SLC9C1: variants seen among roughly 807,000 people sequenced by gnomAD.
SLC9C1 encodes sodium/hydrogen exchanger 10.
In SLC9C1, 97 loss-of-function variants were observed where a neutral mutation model predicts 140.9. The observed-to-expected ratio is 0.69, with a 90% CI of 0.58 to 0.82. The LOEUF (loss-of-function observed/expected upper bound fraction) is 0.82, where lower values mean the gene tolerates loss of function less well. SLC9C1 is among the 40% of genes least tolerant of loss of function. SLC9C1 has a pLI of 0.00. For synonymous variants in SLC9C1, 440 were observed against 442.6 expected (o/e 0.99, Z 0.07); for missense variants, 1,340 against 1,389.3 (o/e 0.96, Z 0.56).
At chr3:112,266,406 G>T in intron 7 of SLC9C1, 66 bp from the exon 8 acceptor site, 1 of 1,235,932 alleles carries the variant, frequency 8.1e-7, no homozygotes, top group Non-Finnish European at 1.1e-6. Flanking sequence ...AATTTTACCC[G>T]AGTTAAAAGT....
intron 28 of SLC9C1, among the ~76,000 whole-genome samples, chr3:112,143,925 G>A (rs1266234237): frequency 1.3e-5 from 2 of 152,056 alleles, no homozygotes; most frequent in African/African-American, 4.8e-5. Context: ...GTGAAAGGTA[G>A]GGGAAAGAAT....
chr3:112,271,526 G>GTGTTGAAAGAGTT (rs1341447629), intron 6 of SLC9C1, among the ~76,000 whole-genome samples: 2 of 151,692 alleles, frequency 1.3e-5, no homozygotes, highest in Non-Finnish European at 2.9e-5. Flanking sequence ...TCTTGTTTCT[G>GTGTTGAAAGAGTT]TGTTGAAAGA....
intron 25 of SLC9C1, among the ~76,000 whole-genome samples, chr3:112,168,329 A>G (rs1377957582): frequency 2.6e-5 from 1 of 37,914 alleles, no homozygotes; most frequent in Non-Finnish European, 5.1e-5. Flanking sequence ...CAATACACAC[A>G]CACACACACA....
intron 27 of SLC9C1, among the ~76,000 whole-genome samples, chr3:112,154,111 G>A (rs2075061521): frequency 6.6e-6 from 1 of 152,010 alleles, no homozygotes; most frequent in Non-Finnish European, 1.5e-5. Context: ...TCAGGTTTAT[G>A]TCTAGTGCTA....
Position 112,178,244 on chromosome 3 carries a change from T to A in SLC9C1, c.2919+1287A>T, listed in dbSNP as rs143835178. The stretch of plus-strand genomic sequence containing the variant: ...ACTTTGGGTTCCTGAGCTCAAGCAA[T>A]CCTCCCTTCTCAGCCTCCCAAGTAG... On this transcript the variant is annotated intron_variant, in intron 23 of 28. Coordinates refer to ENST00000305815, the MANE Select transcript of SLC9C1 (RefSeq NM_183061.3). 4.9e-3 allele frequency among the ~76,000 whole-genome samples: 741 copies of A among 151,846 alleles called. 4 individuals carry two copies. Among genetic ancestry groups the A allele is most frequent in the African/African-American group, 0.017 (716 of 41,430 alleles).
At chr3:112,168,583 G>A (rs2077185044) in intron 25 of SLC9C1, among the ~76,000 whole-genome samples, 1 of 152,144 alleles carries the variant, frequency 6.6e-6, no homozygotes, top group South Asian at 2.1e-4. Flanking sequence ...CTTTTGCAAT[G>A]AATAACTGTA....
At chr3:112,159,264 A>C (rs185352386) in intron 26 of SLC9C1, among the ~76,000 whole-genome samples, 1 of 152,018 alleles carries the variant, frequency 6.6e-6, no homozygotes, top group Non-Finnish European at 1.5e-5. Context: ...CCCATTGGTC[A>C]TCTAGGTGCA....
intron 28 of SLC9C1, among the ~76,000 whole-genome samples, chr3:112,145,589 C>CTTTTTTTTTT (rs61547345): frequency 2.8e-4 from 8 of 28,226 alleles, no homozygotes; most frequent in Admixed American, 5.1e-4. Context: ...CTGCCCTTGG[C>CTTTTTTTTTT]TTTTTTTTTT....
chr3:112,228,771 G>A (rs183694412), intron 13 of SLC9C1, among the ~76,000 whole-genome samples: 1 of 152,088 alleles, frequency 6.6e-6, no homozygotes, highest in East Asian at 1.9e-4. Context: ...CGGTCAACAA[G>A]CACATAAAAA....
chr3:112,185,604 C>A, intron 20 of SLC9C1: 2 of 1,597,880 alleles, frequency 1.3e-6, no homozygotes, highest in Non-Finnish European at 8.5e-7. Context: ...TCGCCCGAAG[C>A]CCTCTCTCCC....
intron 10 of SLC9C1, among the ~76,000 whole-genome samples, chr3:112,256,999 G>A (rs1576461264): frequency 6.6e-6 from 1 of 151,830 alleles, no homozygotes; most frequent in Non-Finnish European, 1.5e-5. Flanking sequence ...CTAACCAGTG[G>A]GGTAAAAAAT....
At chr3:112,194,077 T>C (rs1225686892) in intron 20 of SLC9C1, among the ~76,000 whole-genome samples, 2 of 152,116 alleles carry the variant, frequency 1.3e-5, no homozygotes, top group East Asian at 3.8e-4. Context: ...GTGCAGCAGC[T>C]TGGCTCACAG....
Position 112,199,324 on chromosome 3 carries a change from A to G in SLC9C1, c.2520T>C (p.Asn840=), listed in dbSNP as rs2077843353. ...IISKTEGAGI[N]KLIMAKKKEV... ...CTTTGAAAATATTTTGCCTTACCTT[A>G]TTAATTCCAGCACCTTCAGTTTTAC... The change falls in exon 20 of 29, where the codon AAT becomes AAC. Residue 840 remains asparagine (N), a synonymous_variant. Coordinates refer to ENST00000305815, the MANE Select transcript of SLC9C1 (RefSeq NM_183061.3). The G allele has an allele frequency of 1.3e-6, 2 of 1,563,416 alleles. No individual in the cohort carries two copies. Among genetic ancestry groups the G allele is most frequent in the Non-Finnish European group, 1.7e-6 (2 of 1,159,512 alleles).
chr3:112,256,446 TCAGAA>T (rs2079608985), intron 10 of SLC9C1, among the ~76,000 whole-genome samples: 1 of 151,970 alleles, frequency 6.6e-6, no homozygotes, highest in Non-Finnish European at 1.5e-5. Context: ...ATGTTATTGA[TCAGAA>T]CAGAAGTTAA....
intron 26 of SLC9C1, among the ~76,000 whole-genome samples, chr3:112,161,109 A>ATGGGGT (rs1481272945): frequency 2.0e-5 from 3 of 151,978 alleles, no homozygotes; most frequent in African/African-American, 7.2e-5. Context: ...CCACTTTTTG[A>ATGGGGT]TGGGGTTGTT....
At chr3:112,177,005 C>CTCTTT (rs763150736) in intron 23 of SLC9C1, among the ~76,000 whole-genome samples, 1 of 104,722 alleles carries the variant, frequency 9.5e-6, no homozygotes, top group African/African-American at 3.7e-5. Context: ...CTCTCTCTCT[C>CTCTTT]TTTTTTTTTT....
chr3:112,186,052 C>A, intron 20 of SLC9C1: 1 of 1,227,428 alleles, frequency 8.1e-7, no homozygotes, highest in African/African-American at 1.5e-5. Context: ...TTCCGCTGCA[C>A]AGTGCACTTT....
intron 13 of SLC9C1, among the ~76,000 whole-genome samples, chr3:112,226,615 A>G (rs1021253388): frequency 1.3e-5 from 2 of 152,050 alleles, no homozygotes; most frequent in Non-Finnish European, 2.9e-5. Flanking sequence ...ACAGCTACTC[A>G]GGAGGCTGAT....
chr3:112,164,231 G>T (rs1199115168), intron 26 of SLC9C1, among the ~76,000 whole-genome samples: 1 of 151,156 alleles, frequency 6.6e-6, no homozygotes, highest in Non-Finnish European at 1.5e-5. Flanking sequence ...TATACAATTT[G>T]CCAGTCTGTG....
Sources: gnomAD v4.1 joint callset for allele counts (sites outside exome capture counted in the v4.1 genomes callset) on GRCh38, gnomAD v4.1.1 for gene constraint, MANE v1.5 for transcripts, NCBI Gene and HGNC (gene_info 2026-07-23, HGNC 2026-07-21) for gene names.